CDK11A: variants seen among roughly 807,000 people sequenced by gnomAD.
The protein encoded by CDK11A is cyclin-dependent kinase 11A.
CDK11A carries 55 observed loss-of-function variants against 83.6 expected under a neutral mutation model. That is an observed-to-expected ratio of 0.66 (90% CI 0.53 to 0.82). CDK11A has a LOEUF of 0.82. CDK11A is among the 40% of genes least tolerant of loss of function. The pLI is 0.00. For missense variants in CDK11A, 564 were observed against 810.1 expected (o/e 0.70, Z 3.69); for synonymous variants, 247 against 302.7 (o/e 0.82, Z 1.91).
chr1:1,716,983 T>C lies in CDK11A; in HGVS notation c.356-505A>G, dbSNP rs76041778. On this transcript the variant is annotated intron_variant, in intron 4 of 19. Coordinates refer to ENST00000404249, the MANE Select transcript of CDK11A (RefSeq NM_024011.4). Reference sequence around the variant, plus strand: ...ATTGGCCAAGCTGGTCTTGAACTCCTGGGCTCAAGTGATCCTCCATCCTTG... The same window carrying C: ...ATTGGCCAAGCTGGTCTTGAACTCCCGGGCTCAAGTGATCCTCCATCCTTG... Among the ~76,000 whole-genome samples the C allele has an allele frequency of 2.2e-3, 324 of 147,334 alleles. 8 individuals carry two copies. Among genetic ancestry groups the C allele is most frequent in the African/African-American group, 7.9e-3 (316 of 40,078 alleles).
At position 1,719,524 on chromosome 1, in the gene CDK11A, G is replaced by T. The variant is rs1486413837; in HGVS notation, c.228-69C>A. 19 of 1,263,032 alleles carry T rather than the reference G, an allele frequency of 1.5e-5. 2 individuals are homozygous for T. In the South Asian group the frequency reaches 3.7e-4, roughly 24 times the overall value. The allele number at this position is 1,263,032 out of a possible 1,614,324, so 78.2% of individuals were successfully genotyped here. A position where few individuals can be genotyped will look rare whatever the true frequency, so the allele number is the denominator to read the frequency against. On this transcript the variant is annotated intron_variant, in intron 3 of 19. Coordinates refer to ENST00000404249, the MANE Select transcript of CDK11A (RefSeq NM_024011.4). ...CGGAAAAGCATCAGGCTATTATGAG[G>T]TTTTTTCAACCCAGAAAAATGCATG...
chr1:1,718,897 A>G (rs1644786664), intron 4 of CDK11A, among the ~76,000 whole-genome samples: 1 of 149,424 alleles, frequency 6.7e-6, no homozygotes. Context: ...CAGCCTCCCA[A>G]AGTGCTGGGA....
chr1:1,715,747 A>C (rs1158143097), intron 5 of CDK11A, among the ~76,000 whole-genome samples: 1 of 151,226 alleles, frequency 6.6e-6, no homozygotes, highest in Non-Finnish European at 1.5e-5. Flanking sequence ...CTGAAGGCGG[A>C]GATGGGCCTG....
At position 1,724,280 on chromosome 1, in the gene CDK11A, C is replaced by T. The variant is rs1359700300; in HGVS notation, c.-36G>A. 1.3e-5 allele frequency: 2 copies of T among 151,670 alleles called. No homozygotes were observed. Among genetic ancestry groups the T allele is most frequent in the African/African-American group, 2.4e-5 (1 of 41,306 alleles). The allele number at this position is 151,670 out of a possible 1,614,324, so 9.4% of individuals were successfully genotyped here. ...CACCCCTACGGGGCCGCGGCCGGTC[C>T]CTGAGCCTGAGAAGAAACAGCAACC... is the stretch of plus-strand genomic sequence containing the variant. On this transcript the variant is annotated 5_prime_UTR_variant, in exon 1 of 20. Transcript: ENST00000404249.
At position 1,704,286 on chromosome 1, in the gene CDK11A, G is replaced by A; in HGVS notation, c.1623C>T (p.Asn541=). ...LLRGVKHLHD[N]WILHRDLKTS... is the part of the protein sequence containing the mutation. ...TCTTGAGGTCACGGTGCAGGATCCA[G>A]TTGTCGTGCAGGTGTTTCACCCCCC... The change falls in exon 15 of 20, where the codon AAC becomes AAT. Residue 541 remains asparagine (N), a synonymous_variant. Transcript: ENST00000404249. 3 of 1,607,898 alleles carry A rather than the reference G, an allele frequency of 1.9e-6. No individual in the cohort carries two copies. Among genetic ancestry groups the A allele is most frequent in the Non-Finnish European group, 2.6e-6 (3 of 1,176,240 alleles).
Position 1,702,709 on chromosome 1 carries a change from G to T in CDK11A, c.*198C>A, listed in dbSNP as rs1432366065. The T allele has an allele frequency of 9.6e-6, 6 of 625,716 alleles. No individual in the cohort carries two copies. In the Admixed American group the frequency reaches 1.6e-4, roughly 17 times the overall value. The allele number at this position is 625,716 out of a possible 1,614,324, so 38.8% of individuals were successfully genotyped here. A position where few individuals can be genotyped will look rare whatever the true frequency, so the allele number is the denominator to read the frequency against. On this transcript the variant is annotated 3_prime_UTR_variant, in exon 20 of 20. Coordinates refer to ENST00000404249, the MANE Select transcript of CDK11A (RefSeq NM_024011.4). ...TGGGCACCCGAAGATGCCCTGGCAA[G>T]TCACGGAGAAAACACAGCTCTTTCC...
Position 1,716,408 on chromosome 1 carries a change from A to G in CDK11A, c.426T>C (p.Ala142=). ...RKRHREEQDK[A]RREWERQKRR... is the part of the protein sequence containing the mutation. Reference sequence around the variant, plus strand: ...TCTTCTGTCTTTCCCATTCCCGGCGAGCTTTATCCTGTTCTTCTCGATGTC... The same window carrying G: ...TCTTCTGTCTTTCCCATTCCCGGCGGGCTTTATCCTGTTCTTCTCGATGTC... Residue 142 remains alanine (A), a synonymous_variant, in exon 5 of 20, where the codon GCT becomes GCC. Transcript: ENST00000404249. 1.2e-6 allele frequency: 2 copies of G among 1,607,948 alleles called. No homozygotes were observed. The highest frequency in any genetic ancestry group is 1.7e-6 in the Non-Finnish European group (2 of 1,176,054).
Position 1,704,229 on chromosome 1 carries a change from G to C in CDK11A, c.1680C>G (p.Ile560Met). The change falls in exon 15 of 20, where the codon ATC (isoleucine) becomes ATG (methionine). Residue 560 changes from isoleucine (I) to methionine (M), a missense_variant. Transcript: ENST00000404249. Reference protein sequence around the residue: ...TSNLLLSHAGILKVGDFGLAR... With the variant: ...TSNLLLSHAGMLKVGDFGLAR... ...CACTCGGAGGGGGGCTCACCTTGAG[G>C]ATGCCGGCGTGGCTCAGCAGCAGGT... is the stretch of plus-strand genomic sequence containing the variant. The C allele has an allele frequency of 6.2e-7, 1 of 1,608,482 alleles. No individual in the cohort carries two copies. The highest frequency in any genetic ancestry group is 1.1e-5 in the South Asian group (1 of 90,726).
chr1:1,719,679 G>A (rs889522099), intron 3 of CDK11A, among the ~76,000 whole-genome samples: 15 of 93,240 alleles, frequency 1.6e-4, no homozygotes, highest in Admixed American at 5.2e-4. Flanking sequence ...GTAGACACGC[G>A]ATCTCGGATC....
intron 4 of CDK11A, 94 bp downstream of exon 4, chr1:1,719,234 G>A (rs1333909477): frequency 3.4e-6 from 4 of 1,192,404 alleles, no homozygotes; most frequent in Non-Finnish European, 4.6e-6. Context: ...GCTTTCTCTG[G>A]TTTTTCAGTG....
intron 3 of CDK11A, among the ~76,000 whole-genome samples, chr1:1,719,731 C>T (rs1570434207): frequency 6.7e-6 from 1 of 148,252 alleles, no homozygotes; most frequent in East Asian, 2.0e-4. Context: ...ATTCTCCTGC[C>T]TCAGCCTCCG....
At chr1:1,718,638 C>CTTTT (rs70937182) in intron 4 of CDK11A, among the ~76,000 whole-genome samples, 4 of 134,730 alleles carry the variant, frequency 3.0e-5, no homozygotes, top group Non-Finnish European at 6.3e-5. Context: ...CTAGAGTATT[C>CTTTT]TTTTTTTTTT....
intron 4 of CDK11A, 39 bp from the exon 5 acceptor site, chr1:1,716,517 T>G (rs1299558932): frequency 1.3e-6 from 2 of 1,595,374 alleles, no homozygotes; most frequent in South Asian, 2.2e-5. Flanking sequence ...AAACCTCACT[T>G]CAAAAATTTC....
intron 4 of CDK11A, among the ~76,000 whole-genome samples, chr1:1,716,694 A>C (rs1291828877): frequency 6.0e-5 from 9 of 149,922 alleles, no homozygotes; most frequent in Non-Finnish European, 8.9e-5. Flanking sequence ...GGCACCTGTA[A>C]TCCCAGGTAC....
At chr1:1,724,138 C>G (rs1645013750) in intron 1 of CDK11A, 120 bp downstream of exon 1, 1 of 149,834 alleles carries the variant, frequency 6.7e-6, no homozygotes, top group African/African-American at 2.5e-5. Context: ...TCCGCGGAAG[C>G]GAGGGTGTCG....
intron 5 of CDK11A, among the ~76,000 whole-genome samples, chr1:1,715,515 T>A (rs1644603293): frequency 6.7e-6 from 1 of 148,586 alleles, no homozygotes; most frequent in African/African-American, 2.5e-5. Flanking sequence ...TAACAGGAAC[T>A]AGGCCAACTG....
Position 1,702,836 on chromosome 1 carries a change from C to T in CDK11A, c.*71G>A, listed in dbSNP as rs1644135846. On this transcript the variant is annotated 3_prime_UTR_variant, in exon 20 of 20. Transcript: ENST00000404249. ...AGACGAGGAGTTCCGAGTCTCATCGCAGCTCCAGCCGCAGTAGCCACGCCT... is the reference window on the plus strand; with the variant it reads ...AGACGAGGAGTTCCGAGTCTCATCGTAGCTCCAGCCGCAGTAGCCACGCCT... 8.0e-6 allele frequency: 2 copies of T among 250,914 alleles called. No homozygotes were observed. The highest frequency in any genetic ancestry group is 7.5e-6 in the Non-Finnish European group (1 of 133,564). 15.5% of individuals were successfully genotyped at this position (250,914 alleles called of 1,614,324 possible). A position where few individuals can be genotyped will look rare whatever the true frequency, so the allele number is the denominator to read the frequency against.
intron 5 of CDK11A, among the ~76,000 whole-genome samples, chr1:1,715,475 G>A (rs1238786667): frequency 2.7e-5 from 4 of 149,220 alleles, no homozygotes; most frequent in Non-Finnish European, 4.5e-5. Flanking sequence ...GTCTGGCACA[G>A]GGCGTGGCAT....
intron 5 of CDK11A, among the ~76,000 whole-genome samples, chr1:1,714,993 G>A (rs943236390): frequency 4.0e-5 from 6 of 149,648 alleles, no homozygotes; most frequent in South Asian, 2.1e-4. Flanking sequence ...TGCTCTAAAC[G>A]GAGTAACCCC....
Sources: gnomAD v4.1 joint callset for allele counts (sites outside exome capture counted in the v4.1 genomes callset) on GRCh38, gnomAD v4.1.1 for gene constraint, MANE v1.5 for transcripts, NCBI Gene and HGNC (gene_info 2026-07-23, HGNC 2026-07-21) for gene names.